The following ACACB variants were observed in gnomAD, a reference collection of about 807,000 sequenced individuals.
The protein encoded by ACACB is acetyl-CoA carboxylase 2.
Under a neutral mutation model 278.8 loss-of-function variants are expected in ACACB, and 209 were observed. The ratio of observed to expected loss-of-function variants is 0.75; its 90% CI spans 0.67 to 0.84. ACACB has a LOEUF of 0.84. Ranked by LOEUF, ACACB falls within the 40% of genes least tolerant of loss-of-function variation. The pLI, the probability that ACACB is intolerant of heterozygous loss-of-function variation, is 0.00. For missense variants in ACACB, 2,850 were observed against 3,269.0 expected, an observed-to-expected ratio of 0.87 and a Z score of 3.13; for synonymous variants, 1,174 against 1,285.6, an observed-to-expected ratio of 0.91 and a Z score of 1.86.
chr12:109,191,227 T>A (rs530002700), intron 13 of ACACB, among the ~76,000 whole-genome samples: 22 of 151,556 alleles, frequency 1.5e-4, no homozygotes, highest in Admixed American at 5.9e-4. Context: ...TTTTTTTTTT[T>A]TTTGGAGACA....
rs918255074 is a variant in ACACB, at chr12:109,161,243, T to C, written c.654-5618T>C. Among the ~76,000 whole-genome samples the C allele has an allele frequency of 2.0e-5, 3 of 152,222 alleles. No homozygotes were observed. The East Asian group carries it at 5.8e-4, about 29-fold the overall frequency. On this transcript the variant is annotated intron_variant, in intron 2 of 52. Coordinates refer to ENST00000338432, the MANE Select transcript of ACACB (RefSeq NM_001093.4). ...TCTTAACATGATTGGTTGAAAACAA[T>C]AAATAAAATTAGCAAGGAGTCCAGT...
At chr12:109,149,729 G>C (rs2043324729) in intron 2 of ACACB, among the ~76,000 whole-genome samples, 1 of 152,180 alleles carries the variant, frequency 6.6e-6, no homozygotes, top group Non-Finnish European at 1.5e-5. Flanking sequence ...CGTTGGCCCA[G>C]GAGCAGTTAT....
intron 50 of ACACB, 73 bp downstream of exon 50, chr12:109,264,459 TCGGGGG>T: frequency 2.0e-6 from 3 of 1,502,424 alleles, no homozygotes; most frequent in Non-Finnish European, 2.7e-6. Context: ...ACATTTGGGC[TCGGGGG>T]CGGGGAGGGC....
chr12:109,216,235 T>C (rs898159303), intron 22 of ACACB, among the ~76,000 whole-genome samples: 3 of 148,112 alleles, frequency 2.0e-5, no homozygotes, highest in Admixed American at 2.0e-4. Flanking sequence ...TTTTTTTTTT[T>C]TTTTGAGACG....
In ACACB at chr12:109,139,660, C is replaced by T. The variant is rs11065655; in HGVS notation, c.255C>T (p.Ala85=). ...CCTCCCACAAAGGCCCCAAAGATGC[C>T]GGTCGGCGGAGAAACTCCCTACCAC... ...EPASHKGPKD[A]GRRRNSLPPS... The change falls in exon 2 of 53, where the codon GCC becomes GCT. Residue 85 remains alanine (A), a synonymous_variant. Transcript: ENST00000338432. 17,469 of 1,614,010 alleles carry T rather than the reference C, an allele frequency of 0.011. 1,588 individuals carry two copies. The African/African-American group carries it at 0.2, about 19-fold the overall frequency.
At chr12:109,253,670 C>T (rs565308492) in intron 43 of ACACB, among the ~76,000 whole-genome samples, 53 of 152,256 alleles carry the variant, frequency 3.5e-4, no homozygotes, top group Non-Finnish European at 6.8e-4. Flanking sequence ...AGGGGACAAT[C>T]GTGGGCACAG....
At chr12:109,202,053 G>T (rs955322113) in intron 19 of ACACB, among the ~76,000 whole-genome samples, 1 of 152,060 alleles carries the variant, frequency 6.6e-6, no homozygotes, top group Non-Finnish European at 1.5e-5. Context: ...CCTCCTGGCG[G>T]CTGTCCTCTC....
chr12:109,187,948 A>G (rs1201451578), intron 12 of ACACB, 51 bp from the exon 13 acceptor site: 11 of 1,563,964 alleles, frequency 7.0e-6, no homozygotes, highest in Non-Finnish European at 9.6e-6. Context: ...TGATGAAAAT[A>G]TATCTGGAGT....
chr12:109,251,447 G>A (rs1436015816), intron 41 of ACACB, among the ~76,000 whole-genome samples: 1 of 152,170 alleles, frequency 6.6e-6, no homozygotes, highest in Non-Finnish European at 1.5e-5. Flanking sequence ...CAGTTTCCAA[G>A]TGGAAAATGT....
At chr12:109,172,412 C>G in intron 6 of ACACB, 56 bp downstream of exon 6, 13 of 1,519,114 alleles carry the variant, frequency 8.6e-6, no homozygotes, top group Non-Finnish European at 1.2e-5. Context: ...GGACACTCTG[C>G]TGGGTCTGAC....
intron 13 of ACACB, among the ~76,000 whole-genome samples, chr12:109,190,412 G>A (rs1360482113): frequency 6.6e-6 from 1 of 152,174 alleles, no homozygotes; most frequent in African/African-American, 2.4e-5. Context: ...TTGAACTGGT[G>A]CTCTTGGAGA....
chr12:109,131,054 T>C (rs1043810780), intron 1 of ACACB, among the ~76,000 whole-genome samples: 1 of 152,152 alleles, frequency 6.6e-6, no homozygotes, highest in Non-Finnish European at 1.5e-5. Flanking sequence ...GGCAATTGCA[T>C]GAGCAGTGAA....
At chr12:109,211,998 G>A (rs1453960061) in intron 21 of ACACB, among the ~76,000 whole-genome samples, 1 of 152,112 alleles carries the variant, frequency 6.6e-6, no homozygotes, top group Non-Finnish European at 1.5e-5. Flanking sequence ...TGAGCACCCT[G>A]GTTTTTGCTA....
chr12:109,112,057 T>A (rs2135903847), upstream of ACACB, among the ~76,000 whole-genome samples: 1 of 152,042 alleles, frequency 6.6e-6, no homozygotes, highest in Middle Eastern at 3.4e-3. Context: ...CACACTTCTC[T>A]CTCTCCCGGT....
intron 7 of ACACB, 152 bp from the exon 8 acceptor site, chr12:109,175,779 G>T (rs1410468730): frequency 4.7e-6 from 3 of 639,014 alleles, no homozygotes; most frequent in Admixed American, 2.9e-5. Flanking sequence ...GAAATGAAAA[G>T]CCATTGTGAG....
At chr12:109,242,227 T>G (rs2046819341) in intron 36 of ACACB, 1 of 532,462 alleles carries the variant, frequency 1.9e-6, no homozygotes, top group Non-Finnish European at 3.3e-6. Flanking sequence ...TTTTTGGAAC[T>G]GCATTCCACA....
At chr12:109,232,931 A>G in intron 29 of ACACB, 125 bp downstream of exon 29, 1 of 1,155,724 alleles carries the variant, frequency 8.7e-7, no homozygotes, top group East Asian at 2.5e-5. Flanking sequence ...ACAGCATGTC[A>G]ATAACAACAG....
intron 27 of ACACB, 50 bp downstream of exon 27, chr12:109,223,954 T>C (rs1231501933): frequency 2.0e-6 from 3 of 1,493,472 alleles, no homozygotes; most frequent in Admixed American, 1.7e-5. Context: ...AGTTCTAGTG[T>C]TCACTGCCGC....
chr12:109,125,307 G>A (rs1439395172), intron 1 of ACACB: 5 of 152,110 alleles, frequency 3.3e-5, no homozygotes, highest in African/African-American at 7.2e-5. Context: ...GCCCCTGGAG[G>A]GTCCTTGTTT....
Sources: gnomAD v4.1 joint callset for allele counts (sites outside exome capture counted in the v4.1 genomes callset) on GRCh38, gnomAD v4.1.1 for gene constraint, MANE v1.5 for transcripts, NCBI Gene and HGNC (gene_info 2026-07-23, HGNC 2026-07-21) for gene names.